Variants in RPL30 observed in about 807,000 individuals in gnomAD.
RPL30 encodes the protein ribosomal protein L30, also known as large ribosomal subunit protein eL30.
For missense variants in RPL30, 60 were observed against 138.0 expected (o/e 0.43, Z 2.83); for synonymous variants, 40 against 50.4 (o/e 0.79, Z 0.87).
In RPL30 at chr8:98,042,846, C is replaced by A. The variant is rs73701228; in HGVS notation, c.168-71G>T. 6,643 of 1,397,754 alleles carry A rather than the reference C, an allele frequency of 4.8e-3. 254 individuals carry two copies. In the African/African-American group the frequency reaches 0.086, roughly 18 times the overall value. 86.6% of individuals were successfully genotyped at this position (1,397,754 alleles called of 1,614,324 possible). On this transcript the variant is annotated intron_variant, in intron 3 of 4. Coordinates refer to ENST00000287038, the MANE Select transcript of RPL30 (RefSeq NM_000989.4). ...ACTGACAGACTAAATGTTACTACTT[C>A]TTTTACTAGTGTTAATGTTGTTAAG...
chr8:98,042,724 G>C lies in RPL30; in HGVS notation c.219C>G (p.His73Gln), dbSNP rs1814401346. The C allele has an allele frequency of 6.2e-7, 1 of 1,605,232 alleles. No homozygotes were observed. The highest frequency in any genetic ancestry group is 1.3e-5 in the African/African-American group (1 of 74,224). The part of the protein sequence containing the change: ...YAMLAKTGVH[H>Q]YSGNNIELGT... ...CCAGTTCAATATTATTGCCACTGTA[G>C]TGATGGACACCAGTTTTAGCCAACA... Residue 73 changes from histidine to glutamine, a missense_variant, in exon 4 of 5, where the codon CAC becomes CAG. Transcript: ENST00000287038.
chr8:98,044,865 G>A (rs1402660990), intron 3 of RPL30, 78 bp downstream of exon 3: 3 of 1,455,964 alleles, frequency 2.1e-6, no homozygotes, highest in African/African-American at 2.8e-5. Context: ...ATGGTACTCA[G>A]ATTACAAGTT....
chr8:98,043,973 C>G (rs1039325000), intron 3 of RPL30: 1 of 152,222 alleles, frequency 6.6e-6, no homozygotes, highest in East Asian at 1.9e-4. Context: ...ATTAGCCAGG[C>G]ATGGTGGCAG....
In RPL30 at chr8:98,045,079, G is replaced by C; in HGVS notation, c.31C>G (p.Leu11Val). MVAAKKTKKS[L>V]ESINSRLQLV... is the part of the protein sequence containing the mutation. ...TGGAGCCTAGAGTTGATCGACTCCA[G>C]CGACTTTTTCTACAAAGCAAACATT... Residue 11 changes from leucine (L) to valine (V), a missense_variant, in exon 3 of 5, where the codon CTG (leucine) becomes GTG (valine). Transcript: ENST00000287038. 1 of 1,613,722 alleles carries C rather than the reference G, an allele frequency of 6.2e-7. No individual in the cohort carries two copies.
In RPL30 at chr8:98,044,840, CA is replaced by C. The variant is rs1814447121; in HGVS notation, c.167+102del. The C allele has an allele frequency of 3.2e-6, 4 of 1,261,840 alleles. No homozygotes were observed. The South Asian group carries it at 5.6e-5, about 18-fold the overall frequency. 78.2% of individuals were successfully genotyped at this position (1,261,840 alleles called of 1,614,324 possible). A position where few individuals can be genotyped will look rare whatever the true frequency, so the allele number is the denominator to read the frequency against. On this transcript the variant is annotated intron_variant, in intron 3 of 4. Coordinates refer to ENST00000287038, the MANE Select transcript of RPL30 (RefSeq NM_000989.4). ...CACAATCGCTACCGTAATTATCCTG[CA>C]AGTGTTCGAGTTCATGGTACTCAGA...
chr8:98,045,328 C>T lies in RPL30; in HGVS notation c.21+19G>A. On this transcript the variant is annotated intron_variant, in intron 2 of 4. Transcript: ENST00000287038. ...CTCTCCACGTGAATCGTCTTCCGGGCCTGGCCCGCCTCACTCACCGTCTTC... is the reference window on the plus strand; with the variant it reads ...CTCTCCACGTGAATCGTCTTCCGGGTCTGGCCCGCCTCACTCACCGTCTTC... The T allele has an allele frequency of 5.0e-6, 8 of 1,614,138 alleles. No individual in the cohort carries two copies. The highest frequency in any genetic ancestry group is 1.6e-4 in the Middle Eastern group (1 of 6,062).
intron 4 of RPL30, 148 bp downstream of exon 4, chr8:98,042,497 A>G: frequency 1.3e-6 from 1 of 756,576 alleles, no homozygotes; most frequent in South Asian, 1.8e-5. Flanking sequence ...CCAATTCTCT[A>G]CAAAATACAA....
At chr8:98,042,402 G>T in intron 4 of RPL30, 1 of 455,290 alleles carries the variant, frequency 2.2e-6, no homozygotes, top group Non-Finnish European at 4.0e-6. Context: ...TTATTTCATA[G>T]GTACTTCATC....
chr8:98,041,754 T>C lies in RPL30; in HGVS notation c.*47A>G, dbSNP rs764250126. The C allele has an allele frequency of 1.5e-5, 19 of 1,300,400 alleles. No individual in the cohort carries two copies. The highest frequency in any genetic ancestry group is 2.0e-5 in the Non-Finnish European group (18 of 916,274). 80.6% of individuals were successfully genotyped at this position (1,300,400 alleles called of 1,614,324 possible). A position where few individuals can be genotyped will look rare whatever the true frequency, so the allele number is the denominator to read the frequency against. On this transcript the variant is annotated 3_prime_UTR_variant, in exon 5 of 5. Transcript: ENST00000287038. ...ACAAGCAAATTTTATTAAAGGAAAA[T>C]TTTGCAGGTTTAAGGTTTGCAGGTG...
Position 98,042,628 on chromosome 8 carries a change from T to C in RPL30, c.298+17A>G. 1.3e-6 allele frequency: 2 copies of C among 1,586,988 alleles called. No individual in the cohort carries two copies. Among genetic ancestry groups the C allele is most frequent in the South Asian group, 1.2e-5 (1 of 86,626 alleles). On this transcript the variant is annotated intron_variant, in intron 4 of 4. Transcript: ENST00000287038. ...AAAGGCAAAAAAAAAAAAGACTTTATGATTTAAAAAGCATACCTGGATCAA... is the reference window on the plus strand; with the variant it reads ...AAAGGCAAAAAAAAAAAAGACTTTACGATTTAAAAAGCATACCTGGATCAA...
chr8:98,045,261 T>C (rs1814455238), intron 2 of RPL30, 86 bp downstream of exon 2: 14 of 1,584,054 alleles, frequency 8.8e-6, no homozygotes, highest in Non-Finnish European at 1.2e-5. Flanking sequence ...AGGCATGCTG[T>C]CACCCCCGTG....
intron 3 of RPL30, chr8:98,044,719 CCA>C (rs927841157): frequency 2.2e-4 from 113 of 520,792 alleles, no homozygotes; most frequent in South Asian, 5.6e-4. Context: ...TTCACTCCTG[CCA>C]CACACACACA....
rs761019872 is a variant in RPL30 at position 98,041,752 on chromosome 8, A to C, written c.*49T>G. The C allele has an allele frequency of 1.6e-6, 2 of 1,288,072 alleles. No homozygotes were observed. The highest frequency in any genetic ancestry group is 2.2e-6 in the Non-Finnish European group (2 of 904,900). The allele number at this position is 1,288,072 out of a possible 1,614,324, so 79.8% of individuals were successfully genotyped here. On this transcript the variant is annotated 3_prime_UTR_variant, in exon 5 of 5. Transcript: ENST00000287038. The stretch of plus-strand genomic sequence containing the variant: ...AAACAAGCAAATTTTATTAAAGGAA[A>C]ATTTTGCAGGTTTAAGGTTTGCAGG...
chr8:98,042,615 A>AG (rs1271787550), intron 4 of RPL30, 30 bp downstream of exon 4: 1 of 1,591,418 alleles, frequency 6.3e-7, no homozygotes, highest in South Asian at 1.2e-5. Context: ...AGGCAAAAAA[A>AG]AAAAAGACTT....
At chr8:98,042,086 G>C (rs766063702) in intron 4 of RPL30, 2 of 675,980 alleles carry the variant, frequency 3.0e-6, no homozygotes, top group Non-Finnish European at 5.4e-6. Context: ...AATAAAATTG[G>C]TTTATCACCA....
chr8:98,042,007 T>C, intron 4 of RPL30, 157 bp from the exon 5 acceptor site: 4 of 719,278 alleles, frequency 5.6e-6, no homozygotes, highest in Non-Finnish European at 1.0e-5. Flanking sequence ...TGTACTGTCA[T>C]TTTTCTTAAG....
At position 98,044,982 on chromosome 8, in the gene RPL30, G is replaced by A. The variant is rs369607593; in HGVS notation, c.128C>T (p.Ala43Val). ...QTLKMIRQGK[A>V]KLVILANNCP... is the part of the protein sequence containing the mutation. ...GTTGTTAGCGAGAATGACCAATTTC[G>A]CTTTGCCTTGTCTGATCATCTTCAG... The change falls in exon 3 of 5, where the codon GCG (alanine) becomes GTG (valine). Residue 43 changes from alanine (A) to valine (V), a missense_variant. Coordinates refer to ENST00000287038, the MANE Select transcript of RPL30 (RefSeq NM_000989.4). 1 of 1,613,988 alleles carries A rather than the reference G, an allele frequency of 6.2e-7. No individual in the cohort carries two copies. The highest frequency in any genetic ancestry group is 1.7e-5 in the Admixed American group (1 of 60,008).
intron 3 of RPL30, 200 bp from the exon 4 acceptor site, chr8:98,042,975 C>A: frequency 2.1e-6 from 1 of 470,282 alleles, no homozygotes; most frequent in Non-Finnish European, 3.7e-6. Context: ...GAAGGGGCAA[C>A]CAGCAAATAT....
intron 3 of RPL30, chr8:98,044,727 A>G: frequency 1.8e-6 from 1 of 541,386 alleles, no homozygotes; most frequent in East Asian, 3.1e-5. Context: ...TGCCACACAC[A>G]CACATTTCTC....
Sources: gnomAD v4.1 joint callset for allele counts on GRCh38, gnomAD v4.1.1 for gene constraint, MANE v1.5 for transcripts, NCBI Gene and HGNC (gene_info 2026-07-23, HGNC 2026-07-21) for gene names.